PLIN2: variants seen among roughly 807,000 people sequenced by gnomAD.
PLIN2 encodes perilipin-2.
A neutral mutation model predicts 30.6 loss-of-function variants in PLIN2; 33 were observed. The observed-to-expected ratio is 1.08, with a 90% CI of 0.82 to 1.44. The LOEUF is 1.44. Among genes scored for constraint, PLIN2 ranks in the 40% most tolerant of loss-of-function variants. The pLI is 0.00. For missense variants in PLIN2, 610 were observed against 531.8 expected (o/e 1.15, Z -1.45); for synonymous variants, 205 against 201.1 (o/e 1.02, Z -0.16).
downstream of PLIN2, among the ~76,000 whole-genome samples, chr9:19,113,662 C>T (rs1226071344): frequency 6.6e-6 from 1 of 151,824 alleles, no homozygotes; most frequent in Non-Finnish European, 1.5e-5. Flanking sequence ...CAACCTTCAC[C>T]TGCCTTGGTT....
chr9:19,123,878 G>A (rs946103683), intron 3 of PLIN2, among the ~76,000 whole-genome samples: 1 of 152,052 alleles, frequency 6.6e-6, no homozygotes, highest in Non-Finnish European at 1.5e-5. Context: ...AATTAGCTGG[G>A]CGTGATGGTG....
intron 3 of PLIN2, chr9:19,125,909 T>G (rs1818388262): frequency 1.0e-5 from 5 of 478,624 alleles, no homozygotes; most frequent in Non-Finnish European, 1.1e-5. Context: ...AGTGATAGAG[T>G]GAGACTCCAT....
At position 19,116,781 on chromosome 9, in the gene PLIN2, C is replaced by T. The variant is rs113224767; in HGVS notation, c.913-132G>A. 1.9e-3 allele frequency: 1,306 copies of T among 677,164 alleles called. 19 individuals are homozygous for T. The African/African-American group carries it at 0.02, about 10-fold the overall frequency. 41.9% of individuals were successfully genotyped at this position (677,164 alleles called of 1,614,324 possible). On this transcript the variant is annotated intron_variant, in intron 7 of 7. Coordinates refer to ENST00000276914, the MANE Select transcript of PLIN2 (RefSeq NM_001122.4). ...CTTTTAAAAATCCTCATTACAATGC[C>T]GAGTGCAGCAGTATTATTCACATTT...
chr9:19,113,341 A>T (rs1818181108), downstream of PLIN2, among the ~76,000 whole-genome samples: 1 of 152,092 alleles, frequency 6.6e-6, no homozygotes, highest in South Asian at 2.1e-4. Context: ...CTCAAAAAAA[A>T]AAAATTAAGA....
intron 6 of PLIN2, 34 bp downstream of exon 6, chr9:19,119,616 C>T (rs1313567608): frequency 4.6e-6 from 6 of 1,303,048 alleles, no homozygotes; most frequent in Non-Finnish European, 6.3e-6. Flanking sequence ...TAAATGAACC[C>T]ACTTCAGACA....
Position 19,116,627 on chromosome 9 carries a change from G to T in PLIN2, c.935C>A (p.Ala312Glu), listed in dbSNP as rs770927693. Residue 312 changes from alanine (A) to glutamate (E), a missense_variant, in exon 8 of 8, where the codon GCA becomes GAA. Physicochemically the swap from Ala to Glu is moderately radical, Grantham distance 107 (BLOSUM62 -1). Transcript: ENST00000276914. ...CAEHIESRTL[A>E]IARNLTQQLQ... ...CTGCTGAGTCAGGTTGCGGGCAATT[G>T]CAAGAGTACGTGACTCAATGTGCTA... The T allele has an allele frequency of 1.9e-6, 3 of 1,613,182 alleles. No individual in the cohort carries two copies. The highest frequency in any genetic ancestry group is 1.7e-5 in the Admixed American group (1 of 59,976).
Position 19,116,473 on chromosome 9 carries a change from A to G in PLIN2, c.1089T>C (p.Phe363=). Residue 363 remains phenylalanine (F), a synonymous_variant, in exon 8 of 8, where the codon TTT becomes TTC. Transcript: ENST00000276914. ...IYSVFRNAAS[F]KEVSDSLLTS... ...TGAGGAGGCTGTCAGACACTTCTTTAAAGGAGGCAGCATTGCGGAACACTG... is the reference window on the plus strand; with the variant it reads ...TGAGGAGGCTGTCAGACACTTCTTTGAAGGAGGCAGCATTGCGGAACACTG... The G allele has an allele frequency of 6.2e-7, 1 of 1,614,150 alleles. No individual in the cohort carries two copies. Among genetic ancestry groups the G allele is most frequent in the East Asian group, 2.2e-5 (1 of 44,886 alleles).
At chr9:19,121,909 C>A (rs1818323460) in intron 4 of PLIN2, among the ~76,000 whole-genome samples, 1 of 151,924 alleles carries the variant, frequency 6.6e-6, no homozygotes, top group South Asian at 2.1e-4. Context: ...ACAGCCTGGG[C>A]AACAAGAGCA....
chr9:19,123,639 C>T lies in PLIN2; in HGVS notation c.235G>A (p.Ala79Thr), dbSNP rs748167227. The T allele has an allele frequency of 2.5e-6, 4 of 1,612,894 alleles. No individual in the cohort carries two copies. The highest frequency in any genetic ancestry group is 3.4e-6 in the Non-Finnish European group (4 of 1,179,104). ...AGCCCCTTACAGGCATAGGTATTGG[C>T]AACTGCAACTAGAATCACAAATGGG... ...IQKLEPQIAV[A>T]NTYACKGLDR... The change falls in exon 4 of 8, where the codon GCC (alanine) becomes ACC (threonine). Residue 79 changes from alanine (A) to threonine (T), a missense_variant. Transcript: ENST00000276914.
chr9:19,116,421 T>A lies in PLIN2; in HGVS notation c.1141A>T (p.Met381Leu), dbSNP rs947063328. 1 of 1,614,226 alleles carries A rather than the reference T, an allele frequency of 6.2e-7. No homozygotes were observed. The highest frequency in any genetic ancestry group is 1.3e-5 in the African/African-American group (1 of 75,064). ...LTSSKGQLQK[M>L]KESLDDVMDY... is the part of the protein sequence containing the mutation. ...ATCACGTCATCTAAAGATTCCTTCA[T>A]TTTCTGCAGCTGCCCCTTGCTAGAA... The change falls in exon 8 of 8, where the codon ATG becomes TTG. Residue 381 changes from methionine (M) to leucine (L), a missense_variant. Physicochemically the swap from Met to Leu is conservative, Grantham distance 15 (BLOSUM62 2). Coordinates refer to ENST00000276914, the MANE Select transcript of PLIN2 (RefSeq NM_001122.4).
chr9:19,121,263 A>T, intron 4 of PLIN2, 98 bp from the exon 5 acceptor site: 2 of 1,075,602 alleles, frequency 1.9e-6, no homozygotes, highest in South Asian at 1.5e-5. Context: ...AGAGTTAAAG[A>T]AGGAATCTAG....
chr9:19,123,379 C>T (rs1283470060), intron 4 of PLIN2, 186 bp downstream of exon 4: 1 of 1,551,122 alleles, frequency 6.4e-7, no homozygotes, highest in Non-Finnish European at 8.7e-7. Flanking sequence ...TTCTTCTCTG[C>T]TTCGTAGATA....
chr9:19,119,745 G>A lies in PLIN2; in HGVS notation c.682C>T (p.His228Tyr), dbSNP rs773500913. The A allele has an allele frequency of 6.2e-7, 1 of 1,612,210 alleles. No individual in the cohort carries two copies. The highest frequency in any genetic ancestry group is 1.1e-5 in the South Asian group (1 of 90,968). ...VRLGSLSTKLHSRAYQQALSR... is the reference protein window; with the variant it reads ...VRLGSLSTKLYSRAYQQALSR... ...AGAGCCTGCTGGTAGGCACGGGAGTGAAGCTTGGTAGACAGGGATCCCAGT... is the reference window on the plus strand; with the variant it reads ...AGAGCCTGCTGGTAGGCACGGGAGTAAAGCTTGGTAGACAGGGATCCCAGT... The change falls in exon 6 of 8, where the codon CAC becomes TAC. Residue 228 changes from histidine to tyrosine, a missense_variant. By Grantham distance (83) the His-to-Tyr change is moderately conservative. Coordinates refer to ENST00000276914, the MANE Select transcript of PLIN2 (RefSeq NM_001122.4).
downstream of PLIN2, among the ~76,000 whole-genome samples, chr9:19,112,487 T>A (rs1818170952): frequency 6.6e-6 from 1 of 152,008 alleles, no homozygotes; most frequent in South Asian, 2.1e-4. Flanking sequence ...GGTGAGTGGA[T>A]CACTTGAGCT....
rs368561091 is a variant in PLIN2, at chr9:19,116,557, T to C, written c.1005A>G (p.Val335=). ...CHTLLSNIQG[V]PQNIQDQAKH... is the part of the protein sequence containing the mutation. ...TGGCTTGATCTTGGATGTTCTGTGGTACACCTTGGATGTTGGACAGGAGGG... is the reference window on the plus strand; with the variant it reads ...TGGCTTGATCTTGGATGTTCTGTGGCACACCTTGGATGTTGGACAGGAGGG... Residue 335 remains valine, a synonymous_variant, in exon 8 of 8, where the codon GTA becomes GTG. Transcript: ENST00000276914. 3.1e-6 allele frequency: 5 copies of C among 1,614,046 alleles called. No homozygotes were observed. Among genetic ancestry groups the C allele is most frequent in the African/African-American group, 1.3e-5 (1 of 74,920 alleles).
In PLIN2 at chr9:19,126,221, T is replaced by A. The variant is rs1312447264; in HGVS notation, c.119A>T (p.Tyr40Phe). ...SSAYLSTKDQ[Y>F]PYLKSVCEMA... ...CTCACACACAGACTTCAGGTAGGGA[T>A]ACTGGTCCTTTGTACTGAGATAGGC... The change falls in exon 3 of 8, where the codon TAT becomes TTT. Residue 40 changes from tyrosine (Y) to phenylalanine (F), a missense_variant. By Grantham distance (22) the Tyr-to-Phe change is conservative. Transcript: ENST00000276914. 1.9e-6 allele frequency: 3 copies of A among 1,614,154 alleles called. No homozygotes were observed. The South Asian group carries it at 3.3e-5, about 18-fold the overall frequency.
At chr9:19,113,872 T>C (rs1818188127), downstream of PLIN2, among the ~76,000 whole-genome samples, 1 of 151,620 alleles carries the variant, frequency 6.6e-6, no homozygotes, top group African/African-American at 2.4e-5. Flanking sequence ...CCTCCCGGGT[T>C]CAAACGATTC....
rs1277948125 is a variant in PLIN2, at chr9:19,119,784, T to C, written c.643A>G (p.Ser215Gly). The C allele has an allele frequency of 3.7e-6, 6 of 1,602,700 alleles. No homozygotes were observed. The African/African-American group carries it at 8.0e-5, about 21-fold the overall frequency. ...AGGGATCCCAGTCTAACATAATAAC[T>C]TGGCTTCTGAACCAGATCAAATCCT... ...VEGFDLVQKPSYYVRLGSLST... is the reference protein window; with the variant it reads ...VEGFDLVQKPGYYVRLGSLST... Residue 215 changes from serine (S) to glycine (G), a missense_variant, in exon 6 of 8, where the codon AGT (serine) becomes GGT (glycine). Ser to Gly is a moderately conservative substitution (Grantham distance 56). Transcript: ENST00000276914.
At chr9:19,108,877 G>A (rs1818124505) in intron 2 of PLIN2, 1 of 152,272 alleles carries the variant, frequency 6.6e-6, no homozygotes, top group Admixed American at 6.6e-5. Context: ...TTTTTGAAAA[G>A]ATGTTTGTGG....
Sources: allele counts gnomAD v4.1 joint callset (sites outside exome capture counted in the v4.1 genomes callset), GRCh38; gene constraint gnomAD v4.1.1; transcripts MANE v1.5; gene names NCBI Gene and HGNC (gene_info 2026-07-23, HGNC 2026-07-21).